Variants in CLASRP observed in about 807,000 individuals in gnomAD.
CLASRP encodes CLK4-associating serine/arginine rich protein.
Under a neutral mutation model 99.9 loss-of-function variants are expected in CLASRP, and 52 were observed. The ratio of observed to expected loss-of-function variants is 0.52; its 90% CI spans 0.42 to 0.66. CLASRP has a LOEUF of 0.66. CLASRP is among the 30% of genes least tolerant of loss of function. The pLI is 0.00. For synonymous variants in CLASRP, 379 were observed against 373.0 expected, an observed-to-expected ratio of 1.02 and a Z score of -0.18; for missense variants, 848 against 999.2, an observed-to-expected ratio of 0.85 and a Z score of 2.04.
At chr19:45,062,304 A>G in intron 11 of CLASRP, 109 bp downstream of exon 11, 2 of 752,320 alleles carry the variant, frequency 2.7e-6, no homozygotes, top group South Asian at 2.8e-5. Flanking sequence ...CCCCAAGATC[A>G]CAGACTGCAT....
rs1262439408 is a variant in CLASRP at position 45,067,603 on chromosome 19, G to A, written c.1667+9G>A. ...GGCGAGAAGCTGAAAAAGTGAGCGG[G>A]GCGGGTCTGGAGGAAGAGGGCTGCC... On this transcript the variant is annotated intron_variant, in intron 14 of 20. Transcript: ENST00000221455. The surrounding 1 kb of genome is among the most constrained non-coding windows in gnomAD (Gnocchi z 4.9). 1.9e-6 allele frequency: 3 copies of A among 1,585,642 alleles called. No individual in the cohort carries two copies. The highest frequency in any genetic ancestry group is 1.7e-5 in the Admixed American group (1 of 57,394).
rs113116229 is a variant in CLASRP at position 45,057,713 on chromosome 19, T to A, written c.465-37T>A. The A allele has an allele frequency of 2.3e-3, 3,751 of 1,611,662 alleles. 81 individuals are homozygous for A. The African/African-American group carries it at 0.043, about 18-fold the overall frequency. ...GCTAGCCTGGGGCCCTCATCTCCAC[T>A]GGGCACGGCCCTGGCTTACCAGCTC... On this transcript the variant is annotated intron_variant, in intron 6 of 20. Coordinates refer to ENST00000221455, the MANE Select transcript of CLASRP (RefSeq NM_007056.3).
At chr19:45,051,756 A>G (rs1972027253) in intron 2 of CLASRP, among the ~76,000 whole-genome samples, 1 of 151,904 alleles carries the variant, frequency 6.6e-6, no homozygotes, top group South Asian at 2.1e-4. Flanking sequence ...ATCACGAGGT[A>G]AGGAGATCGA....
intron 2 of CLASRP, among the ~76,000 whole-genome samples, chr19:45,041,216 A>G (rs956460766): frequency 5.4e-5 from 8 of 148,466 alleles, no homozygotes; most frequent in Non-Finnish European, 8.9e-5. Flanking sequence ...GGCGACAGCG[A>G]GACTCTGTCT....
chr19:45,052,431 CAG>C (rs1248936713), intron 3 of CLASRP, among the ~76,000 whole-genome samples: 3 of 152,182 alleles, frequency 2.0e-5, no homozygotes, highest in African/African-American at 4.8e-5. Context: ...CCAGAGGAAG[CAG>C]AGAGTAGGTT....
At chr19:45,065,622 G>A (rs1156608158) in intron 13 of CLASRP, among the ~76,000 whole-genome samples, 1 of 151,964 alleles carries the variant, frequency 6.6e-6, no homozygotes, top group Non-Finnish European at 1.5e-5. Context: ...GCTAGCTCTA[G>A]GGATGGTTTA....
At chr19:45,069,634 A>G (rs890890715) in intron 18 of CLASRP, 1 of 445,192 alleles carries the variant, frequency 2.2e-6, no homozygotes, top group East Asian at 4.2e-5. Flanking sequence ...CCCACCTCAC[A>G]GGCTGTTGGG....
rs115308060 is a variant in CLASRP, at chr19:45,061,764, G to A, written c.864-390G>A. 7.7e-3 allele frequency among the ~76,000 whole-genome samples: 1,176 copies of A among 151,792 alleles called. 14 individuals are homozygous for A. The highest frequency in any genetic ancestry group is 0.027 in the African/African-American group (1,105 of 41,334). On this transcript the variant is annotated intron_variant, in intron 10 of 20. Coordinates refer to ENST00000221455, the MANE Select transcript of CLASRP (RefSeq NM_007056.3). The stretch of plus-strand genomic sequence containing the variant: ...GCTGGGATTACAGGCGTGAGCCACC[G>A]CACCCAGCCTATTTTAATCTTATCA...
chr19:45,063,766 A>G (rs925452440), intron 11 of CLASRP, among the ~76,000 whole-genome samples: 52 of 152,030 alleles, frequency 3.4e-4, no homozygotes, highest in African/African-American at 1.1e-3. Flanking sequence ...TCCATTTTTC[A>G]TAGCCACATA....
At position 45,067,178 on chromosome 19, in the gene CLASRP, C is replaced by T. The variant is rs1243706589; in HGVS notation, c.1410-159C>T. ...TGTAGCCGGAGGGAGGCCGGAATGC[C>T]GCTCTGGGACATTTTGGAGGGAGAG... On this transcript the variant is annotated intron_variant, in intron 13 of 20. Transcript: ENST00000221455. The surrounding 1 kb of genome is among the most constrained non-coding windows in gnomAD (Gnocchi z 4.9). Among the ~76,000 whole-genome samples the T allele has an allele frequency of 4.6e-5, 7 of 152,198 alleles. No homozygotes were observed. The highest frequency in any genetic ancestry group is 1.9e-4 in the East Asian group (1 of 5,196).
In CLASRP at chr19:45,069,125, G is replaced by A; in HGVS notation, c.1827+1G>A. 2 of 1,614,184 alleles carry A rather than the reference G, an allele frequency of 1.2e-6. No individual in the cohort carries two copies. Among genetic ancestry groups the A allele is most frequent in the Non-Finnish European group, 1.7e-6 (2 of 1,180,012 alleles). On this transcript the variant is annotated splice_donor_variant, in intron 17 of 20. Transcript: ENST00000221455. LOFTEE classifies it high-confidence loss of function. ...GATCCAGCAGGAGCATGAGCGGCAG[G>A]TGAAGTGGGAAAGGGAGGGCTGGGG...
intron 6 of CLASRP, 31 bp from the exon 7 acceptor site, chr19:45,057,719 C>T (rs370128071): frequency 9.2e-5 from 149 of 1,612,482 alleles, no homozygotes; most frequent in Middle Eastern, 1.7e-4. Context: ...CCACTGGGCA[C>T]GGCCCTGGCT....
intron 10 of CLASRP, among the ~76,000 whole-genome samples, chr19:45,061,891 C>T (rs1966947167): frequency 6.6e-6 from 1 of 151,238 alleles, no homozygotes; most frequent in South Asian, 2.1e-4. Context: ...GGAGGCCAAG[C>T]AGAACCAGAG....
intron 2 of CLASRP, among the ~76,000 whole-genome samples, chr19:45,050,694 G>GTGTTT (rs376024218): frequency 1.1e-3 from 168 of 152,072 alleles, no homozygotes; most frequent in African/African-American, 1.8e-3. Flanking sequence ...GTCACTACTT[G>GTGTTT]TGTTTTGTTT....
chr19:45,069,675 A>G, intron 18 of CLASRP: 1 of 440,580 alleles, frequency 2.3e-6, no homozygotes, highest in Non-Finnish European at 4.2e-6. Flanking sequence ...CCAGGCACGG[A>G]GGAGGCACCC....
At chr19:45,050,862 G>A (rs935505546) in intron 2 of CLASRP, among the ~76,000 whole-genome samples, 13 of 151,264 alleles carry the variant, frequency 8.6e-5, no homozygotes, top group African/African-American at 2.9e-4. Context: ...GATTACAGGC[G>A]CCTGCCACCA....
At chr19:45,061,315 C>T (rs887491518) in intron 10 of CLASRP, among the ~76,000 whole-genome samples, 1 of 152,184 alleles carries the variant, frequency 6.6e-6, no homozygotes, top group African/African-American at 2.4e-5. Flanking sequence ...AGCGGTGGCA[C>T]AGAGGCACAC....
intron 18 of CLASRP, 81 bp downstream of exon 18, chr19:45,069,329 C>A: frequency 1.4e-6 from 2 of 1,410,856 alleles, no homozygotes; most frequent in Non-Finnish European, 2.0e-6. Context: ...TGGCTCAAGC[C>A]CTGCCCAGCT....
chr19:45,051,576 G>C (rs1487422828), intron 2 of CLASRP, among the ~76,000 whole-genome samples: 1 of 152,152 alleles, frequency 6.6e-6, no homozygotes, highest in Admixed American at 6.6e-5. Context: ...AAAGTGTTGA[G>C]ATTACAGGCG....
Sources: allele counts gnomAD v4.1 joint callset (sites outside exome capture counted in the v4.1 genomes callset), GRCh38; gene constraint gnomAD v4.1.1; non-coding constraint Gnocchi (gnomAD v3.1); transcripts MANE v1.5; gene names NCBI Gene and HGNC (gene_info 2026-07-23, HGNC 2026-07-21).